IGF1R: variants seen among roughly 807,000 people sequenced by gnomAD.
IGF1R encodes the protein insulin-like growth factor 1 receptor.
IGF1R carries 44 observed loss-of-function variants against 144.6 expected under a neutral mutation model. That is an observed-to-expected ratio of 0.30 (90% CI 0.24 to 0.39). The LOEUF (loss-of-function observed/expected upper bound fraction) is 0.39, where lower values mean the gene tolerates loss of function less well. Among genes scored for constraint, IGF1R ranks in the 10% least tolerant of loss-of-function variants. The pLI, the probability that IGF1R is intolerant of heterozygous loss-of-function variation, is 1.00. For synonymous variants in IGF1R, 795 were observed against 722.8 expected (o/e 1.10, Z -1.60); for missense variants, 1,355 against 1,833.7 (o/e 0.74, Z 4.77).
At chr15:98,785,123 A>G (rs376115650) in intron 2 of IGF1R, among the ~76,000 whole-genome samples, 8 of 152,346 alleles carry the variant, frequency 5.3e-5, no homozygotes, top group Admixed American at 2.0e-4. Flanking sequence ...TTAAAATTCA[A>G]TTTTGCAACT....
chr15:98,727,789 G>C, intron 2 of IGF1R, among the ~76,000 whole-genome samples: 1 of 152,188 alleles, frequency 6.6e-6, no homozygotes, highest in East Asian at 1.9e-4. Flanking sequence ...TAGTCACTGT[G>C]TGGCGGCGGC....
At chr15:98,709,674 AG>A (rs2053947464) in intron 2 of IGF1R, among the ~76,000 whole-genome samples, 1 of 152,220 alleles carries the variant, frequency 6.6e-6, no homozygotes, top group Non-Finnish European at 1.5e-5. Flanking sequence ...TGTGGTGATG[AG>A]GGCCAGGAAT....
At chr15:98,722,547 A>G (rs1246232296) in intron 2 of IGF1R, among the ~76,000 whole-genome samples, 1 of 152,148 alleles carries the variant, frequency 6.6e-6, no homozygotes, top group African/African-American at 2.4e-5. Flanking sequence ...CCACCTCCAT[A>G]TGTGCCCTCA....
At chr15:98,798,388 T>C (rs537429097) in intron 2 of IGF1R, among the ~76,000 whole-genome samples, 1 of 152,124 alleles carries the variant, frequency 6.6e-6, no homozygotes, top group South Asian at 2.1e-4. Context: ...TGTAGGGCCC[T>C]GGAGGCCACG....
chr15:98,852,528 T>C (rs908132389), intron 2 of IGF1R, among the ~76,000 whole-genome samples: 5 of 152,136 alleles, frequency 3.3e-5, no homozygotes, highest in Non-Finnish European at 7.4e-5. Flanking sequence ...CCCGCAAGGA[T>C]GCAGCAGGAG....
intron 1 of IGF1R, among the ~76,000 whole-genome samples, chr15:98,668,122 A>C (rs984737678): frequency 6.6e-6 from 1 of 152,132 alleles, no homozygotes; most frequent in Non-Finnish European, 1.5e-5. Context: ...GACAAATGTC[A>C]TGTGTCCTCA....
At chr15:98,749,051 A>G (rs982548354) in intron 2 of IGF1R, among the ~76,000 whole-genome samples, 14 of 152,190 alleles carry the variant, frequency 9.2e-5, no homozygotes, top group Middle Eastern at 3.4e-3. Flanking sequence ...GGGCCTGTCA[A>G]TTGCCCGTTA....
chr15:98,851,651 C>T (rs2011534243), intron 2 of IGF1R, among the ~76,000 whole-genome samples: 1 of 152,148 alleles, frequency 6.6e-6, no homozygotes, highest in Admixed American at 6.5e-5. Context: ...CCGCTGGAAG[C>T]TGGGAAGTTT....
chr15:98,702,931 C>T (rs1481587374), intron 1 of IGF1R, among the ~76,000 whole-genome samples: 3 of 152,020 alleles, frequency 2.0e-5, no homozygotes, highest in Non-Finnish European at 2.9e-5. Context: ...AGTGAGACCA[C>T]GTCTCAAAAA....
chr15:98,906,826 G>A (rs1398412056), intron 5 of IGF1R, among the ~76,000 whole-genome samples: 10 of 152,230 alleles, frequency 6.6e-5, no homozygotes, highest in Admixed American at 1.3e-4. Flanking sequence ...GAAGATGGGC[G>A]TGTGAGGAGC....
intron 2 of IGF1R, among the ~76,000 whole-genome samples, chr15:98,830,437 T>G (rs770259265): frequency 6.6e-6 from 1 of 152,204 alleles, no homozygotes; most frequent in Non-Finnish European, 1.5e-5. Context: ...CTCTACAGTT[T>G]GTGCACTAGC....
At chr15:98,741,048 AT>A (rs45599633) in intron 2 of IGF1R, among the ~76,000 whole-genome samples, 95,016 of 151,878 alleles carry the variant, frequency 0.63, 30,037 homozygotes, top group Non-Finnish European at 0.67. Context: ...TTAACATTTT[AT>A]TTTTTTAAAA....
At chr15:98,718,849 C>A (rs557118123) in intron 2 of IGF1R, among the ~76,000 whole-genome samples, 2 of 152,166 alleles carry the variant, frequency 1.3e-5, no homozygotes, top group African/African-American at 2.4e-5. Flanking sequence ...ATTAGGATCA[C>A]CCCCACCCCC....
At chr15:98,736,458 T>C (rs1158163303) in intron 2 of IGF1R, among the ~76,000 whole-genome samples, 1 of 152,086 alleles carries the variant, frequency 6.6e-6, no homozygotes, top group Non-Finnish European at 1.5e-5. Context: ...TGGGGGGTGG[T>C]AGGCAGTCAG....
At chr15:98,790,486 T>C (rs2056104541) in intron 2 of IGF1R, among the ~76,000 whole-genome samples, 1 of 152,162 alleles carries the variant, frequency 6.6e-6, no homozygotes, top group Non-Finnish European at 1.5e-5. Context: ...TCCTGTGGTA[T>C]AGCGGGGGAG....
At chr15:98,869,298 A>ACAAG (rs1301168356) in intron 2 of IGF1R, among the ~76,000 whole-genome samples, 5 of 150,314 alleles carry the variant, frequency 3.3e-5, no homozygotes, top group Non-Finnish European at 7.4e-5. Context: ...ATTAAAAAAA[A>ACAAG]CAAACAACAA....
At chr15:98,650,772 C>A in intron 1 of IGF1R, 1 of 437,588 alleles carries the variant, frequency 2.3e-6, no homozygotes, top group Non-Finnish European at 3.0e-6. Flanking sequence ...GGCGTCGTGT[C>A]GCCCTCTCTT....
At chr15:98,878,693 A>C (rs796145774) in intron 2 of IGF1R, among the ~76,000 whole-genome samples, 5,867 of 126,016 alleles carry the variant, frequency 0.047, 396 homozygotes, top group African/African-American at 0.12. Flanking sequence ...AAAAAAAAAA[A>C]AACAACAACA....
At chr15:98,827,618 T>C (rs1285303966) in intron 2 of IGF1R, among the ~76,000 whole-genome samples, 1 of 152,230 alleles carries the variant, frequency 6.6e-6, no homozygotes, top group African/African-American at 2.4e-5. Context: ...TTTAAACTGC[T>C]AGTTAACAAT....
Sources: gnomAD v4.1 joint callset for allele counts (sites outside exome capture counted in the v4.1 genomes callset) on GRCh38, gnomAD v4.1.1 for gene constraint, MANE v1.5 for transcripts, NCBI Gene and HGNC (gene_info 2026-07-23, HGNC 2026-07-21) for gene names.